KCNH8: variants seen among roughly 807,000 people sequenced by gnomAD.
The protein encoded by KCNH8 is potassium voltage-gated channel subfamily H member 8.
KCNH8 carries 70 observed loss-of-function variants against 103.6 expected under a neutral mutation model. That is an observed-to-expected ratio of 0.68 (90% CI 0.56 to 0.82). The LOEUF is 0.82. Among genes scored for constraint, KCNH8 ranks in the 40% least tolerant of loss-of-function variants. The pLI is 0.00. For synonymous variants in KCNH8, 498 were observed against 489.4 expected (o/e 1.02, Z -0.23); for missense variants, 1,217 against 1,329.9 (o/e 0.92, Z 1.32).
chr3:19,477,794 T>G (rs2068007355), intron 11 of KCNH8, among the ~76,000 whole-genome samples: 1 of 152,166 alleles, frequency 6.6e-6, no homozygotes, highest in Non-Finnish European at 1.5e-5. Context: ...TTATTTACAT[T>G]TAGGAAATAC....
intron 5 of KCNH8, among the ~76,000 whole-genome samples, chr3:19,379,995 C>T (rs2066267202): frequency 1.3e-5 from 2 of 152,058 alleles, no homozygotes. Context: ...TCATTTCTAA[C>T]AAATAGCTGT....
intron 1 of KCNH8, among the ~76,000 whole-genome samples, chr3:19,205,851 G>C (rs532503470): frequency 1.3e-5 from 2 of 151,908 alleles, no homozygotes; most frequent in Non-Finnish European, 1.5e-5. Flanking sequence ...GGGGGAACAG[G>C]GGGTATTTGG....
intron 5 of KCNH8, among the ~76,000 whole-genome samples, chr3:19,360,913 T>C (rs574672126): frequency 6.6e-6 from 1 of 152,168 alleles, no homozygotes; most frequent in Non-Finnish European, 1.5e-5. Flanking sequence ...CAAGTGGACA[T>C]AGAATAAGAA....
At position 19,513,088 on chromosome 3, in the gene KCNH8, G is replaced by C; in HGVS notation, c.2198G>C (p.Arg733Thr). 6.2e-7 allele frequency: 1 copy of C among 1,613,850 alleles called. No homozygotes were observed. Among genetic ancestry groups the C allele is most frequent in the Non-Finnish European group, 8.5e-7 (1 of 1,179,910 alleles). Residue 733 changes from arginine to threonine, a missense_variant, in exon 13 of 16, where the codon AGG (arginine) becomes ACG (threonine). Physicochemically the swap from Arg to Thr is moderately conservative, Grantham distance 71. Transcript: ENST00000328405. ...EAVSLSPICT[R>T]GSSSRNKKVG... ...GTCTCCCTCTCTCCCATCTGCACAA[G>C]GGGATCTTCTTCGCGCAACAAGAAG... is the stretch of plus-strand genomic sequence containing the variant.
intron 7 of KCNH8, among the ~76,000 whole-genome samples, chr3:19,420,365 G>A (rs2066932659): frequency 6.6e-6 from 1 of 152,184 alleles, no homozygotes; most frequent in Non-Finnish European, 1.5e-5. Flanking sequence ...GCTGCTGATG[G>A]TCAGGGATTA....
chr3:19,512,910 T>C (rs1158762477), intron 12 of KCNH8, 60 bp from the exon 13 acceptor site: 4 of 1,454,436 alleles, frequency 2.8e-6, no homozygotes, highest in African/African-American at 1.4e-5. Flanking sequence ...CCAGCATTAA[T>C]GATATACCTT....
rs777647324 is a variant in KCNH8, at chr3:19,409,813, G to A, written c.1177+14502G>A. 7.4e-4 allele frequency among the ~76,000 whole-genome samples: 112 copies of A among 151,758 alleles called. 1 individual carries two copies. Among genetic ancestry groups the A allele is most frequent in the Non-Finnish European group, 2.4e-4 (16 of 67,984 alleles). On this transcript the variant is annotated intron_variant, in intron 7 of 15. Transcript: ENST00000328405. ...TAATGATAAATTGTTCAAGCAACAAGAAGACTTGACTATCATAAGTATGTA... is the reference window on the plus strand; with the variant it reads ...TAATGATAAATTGTTCAAGCAACAAAAAGACTTGACTATCATAAGTATGTA...
At chr3:19,507,357 A>G (rs2068712611) in intron 11 of KCNH8, among the ~76,000 whole-genome samples, 1 of 152,188 alleles carries the variant, frequency 6.6e-6, no homozygotes, top group South Asian at 2.1e-4. Context: ...GTGCTCAGCT[A>G]TGATGAGGAG....
At chr3:19,150,903 T>C (rs2063122399) in intron 1 of KCNH8, among the ~76,000 whole-genome samples, 1 of 152,130 alleles carries the variant, frequency 6.6e-6, no homozygotes, top group Non-Finnish European at 1.5e-5. Context: ...ATAAGTAACA[T>C]AAGGGTTGAC....
In KCNH8 at chr3:19,534,158, T is replaced by A. The variant is rs1365089593; in HGVS notation, c.*59T>A. 1.6e-6 allele frequency: 2 copies of A among 1,261,322 alleles called. No homozygotes were observed. Among genetic ancestry groups the A allele is most frequent in the Non-Finnish European group, 2.2e-6 (2 of 896,282 alleles). The allele number at this position is 1,261,322 out of a possible 1,614,324, so 78.1% of individuals were successfully genotyped here. A position where few individuals can be genotyped will look rare whatever the true frequency, so the allele number is the denominator to read the frequency against. ...ACCTACCACTGCATGACAGTTTTAG[T>A]TTGCCTTTTTGCCTCTGGTGGGCAT... On this transcript the variant is annotated 3_prime_UTR_variant, in exon 16 of 16. Transcript: ENST00000328405.
chr3:19,368,159 G>C (rs2066038476), intron 5 of KCNH8, among the ~76,000 whole-genome samples: 1 of 151,952 alleles, frequency 6.6e-6, no homozygotes, highest in Non-Finnish European at 1.5e-5. Flanking sequence ...ATATAAATCT[G>C]ATGCCATGCT....
chr3:19,261,736 G>A (rs916251534), intron 2 of KCNH8, among the ~76,000 whole-genome samples: 2 of 151,612 alleles, frequency 1.3e-5, no homozygotes, highest in African/African-American at 4.8e-5. Context: ...TATGGTTTCA[G>A]GTCTTATATT....
At chr3:19,336,452 T>C (rs943710709) in intron 3 of KCNH8, among the ~76,000 whole-genome samples, 14 of 151,868 alleles carry the variant, frequency 9.2e-5, no homozygotes, top group Non-Finnish European at 1.6e-4. Context: ...TTATGAATGT[T>C]CCATGAGCAT....
At chr3:19,170,622 A>G (rs1485883615) in intron 1 of KCNH8, among the ~76,000 whole-genome samples, 1 of 140,506 alleles carries the variant, frequency 7.1e-6, no homozygotes, top group Non-Finnish European at 1.5e-5. Flanking sequence ...ATACACACAC[A>G]TATATATATA....
At chr3:19,196,757 G>A (rs2063606553) in intron 1 of KCNH8, among the ~76,000 whole-genome samples, 1 of 151,972 alleles carries the variant, frequency 6.6e-6, no homozygotes, top group South Asian at 2.1e-4. Flanking sequence ...CCAACTAGTT[G>A]ACTGATTATC....
intron 2 of KCNH8, among the ~76,000 whole-genome samples, chr3:19,258,332 C>G (rs2064372939): frequency 6.6e-6 from 1 of 151,988 alleles, no homozygotes; most frequent in Non-Finnish European, 1.5e-5. Flanking sequence ...GCCACTGATT[C>G]TCTGTGGAGG....
intron 15 of KCNH8, among the ~76,000 whole-genome samples, chr3:19,529,337 ATCT>A (rs2125253171): frequency 6.6e-6 from 1 of 152,198 alleles, no homozygotes; most frequent in East Asian, 1.9e-4. Context: ...TTGAAGATGT[ATCT>A]TCTTTTTTCT....
chr3:19,383,128 A>G (rs984610294), intron 5 of KCNH8, among the ~76,000 whole-genome samples: 4 of 152,164 alleles, frequency 2.6e-5, no homozygotes, highest in African/African-American at 9.7e-5. Context: ...TAATCTTTCC[A>G]GGAGATAAGG....
At chr3:19,185,545 C>T (rs2063493755) in intron 1 of KCNH8, among the ~76,000 whole-genome samples, 1 of 151,834 alleles carries the variant, frequency 6.6e-6, no homozygotes, top group South Asian at 2.1e-4. Flanking sequence ...CGTATATTTT[C>T]TTCCTGTAAG....
Sources: allele counts gnomAD v4.1 joint callset (sites outside exome capture counted in the v4.1 genomes callset), GRCh38; gene constraint gnomAD v4.1.1; transcripts MANE v1.5; gene names NCBI Gene and HGNC (gene_info 2026-07-23, HGNC 2026-07-21).